The following PHTF2 variants were observed in gnomAD, a reference collection of about 807,000 sequenced individuals.
PHTF2 encodes protein PHTF2.
In PHTF2, 60 loss-of-function variants were observed where a neutral mutation model predicts 101.2. That is an observed-to-expected ratio of 0.59 (90% CI 0.48 to 0.73). PHTF2 has a LOEUF of 0.73. Among genes scored for constraint, PHTF2 ranks in the 30% least tolerant of loss-of-function variants. The pLI is 0.00. For missense variants in PHTF2, 747 were observed against 908.7 expected (o/e 0.82, Z 2.29); for synonymous variants, 311 against 307.3 (o/e 1.01, Z -0.13).
chr7:77,799,919 T>G (rs1389158903), intron 1 of PHTF2, among the ~76,000 whole-genome samples: 1 of 152,240 alleles, frequency 6.6e-6, no homozygotes, highest in Non-Finnish European at 1.5e-5. Flanking sequence ...TATATCCTCC[T>G]TGCTTTGAGA....
At chr7:77,905,906 G>A (rs113129482) in intron 7 of PHTF2, among the ~76,000 whole-genome samples, 141 of 152,318 alleles carry the variant, frequency 9.3e-4, no homozygotes, top group Non-Finnish European at 1.6e-3. Context: ...TAGCAGCACT[G>A]TCTAGTTCGT....
intron 2 of PHTF2, among the ~76,000 whole-genome samples, chr7:77,842,555 C>CA (rs149448445): frequency 3.4e-3 from 513 of 149,952 alleles, no homozygotes; most frequent in Admixed American, 9.6e-3. Context: ...AGGATTATTG[C>CA]AAAAAAAAAG....
intron 12 of PHTF2, among the ~76,000 whole-genome samples, chr7:77,932,586 AAGAGAGAGAGAGAGAAAG>A (rs149783850): frequency 0.016 from 2,161 of 132,394 alleles, 31 homozygotes; most frequent in Middle Eastern, 0.037. Flanking sequence ...GAGAAAGAGG[AAGAGAGAGAGAGAGAAAG>A]AGAGAGAGAG....
chr7:77,895,494 G>A (rs1463179409), intron 5 of PHTF2, among the ~76,000 whole-genome samples: 1 of 152,112 alleles, frequency 6.6e-6, no homozygotes, highest in Admixed American at 6.6e-5. Context: ...CTCTTTGACA[G>A]TTAGAAAGCC....
At chr7:77,935,682 G>T (rs889186444) in intron 12 of PHTF2, among the ~76,000 whole-genome samples, 1 of 152,162 alleles carries the variant, frequency 6.6e-6, no homozygotes, top group Non-Finnish European at 1.5e-5. Flanking sequence ...AGAATGTCCT[G>T]ATTTCCTATT....
chr7:77,949,179 G>A (rs1173910482), intron 16 of PHTF2, among the ~76,000 whole-genome samples: 1 of 151,506 alleles, frequency 6.6e-6, no homozygotes, highest in Non-Finnish European at 1.5e-5. Flanking sequence ...AACATTCAGT[G>A]GAATAAAAAG....
chr7:77,807,168 C>T (rs55714086), intron 1 of PHTF2, among the ~76,000 whole-genome samples: 57,817 of 151,996 alleles, frequency 0.38, 11,399 homozygotes, highest in South Asian at 0.49. Flanking sequence ...ACCTCTTGCA[C>T]ATTGTGAATA....
intron 3 of PHTF2, among the ~76,000 whole-genome samples, chr7:77,885,642 A>C (rs2150766404): frequency 6.6e-6 from 1 of 152,082 alleles, no homozygotes; most frequent in South Asian, 2.1e-4. Context: ...ATAGGGTTTC[A>C]CCATGTTGGC....
At chr7:77,882,832 G>C (rs1799527360) in intron 3 of PHTF2, among the ~76,000 whole-genome samples, 1 of 152,110 alleles carries the variant, frequency 6.6e-6, no homozygotes, top group African/African-American at 2.4e-5. Flanking sequence ...TATCATCATA[G>C]TTTATATTGT....
chr7:77,844,294 A>G (rs184041574), intron 2 of PHTF2, among the ~76,000 whole-genome samples: 25 of 152,070 alleles, frequency 1.6e-4, no homozygotes, highest in East Asian at 5.9e-4. Flanking sequence ...GTGCCCAACC[A>G]TAACTCACTT....
intron 1 of PHTF2, among the ~76,000 whole-genome samples, chr7:77,835,911 G>A (rs574683354): frequency 2.3e-4 from 35 of 152,046 alleles, no homozygotes; most frequent in Admixed American, 6.6e-4. Flanking sequence ...CCTGAGGTCC[G>A]GAGTTTGAGA....
intron 1 of PHTF2, among the ~76,000 whole-genome samples, chr7:77,827,640 C>A (rs1794781548): frequency 1.3e-5 from 2 of 152,214 alleles, no homozygotes; most frequent in Non-Finnish European, 2.9e-5. Context: ...GTGTGAGCCA[C>A]TGCGTGCAGC....
At chr7:77,935,783 A>C (rs991682250) in intron 12 of PHTF2, among the ~76,000 whole-genome samples, 2 of 152,178 alleles carry the variant, frequency 1.3e-5, no homozygotes, top group African/African-American at 4.8e-5. Context: ...TGAGAGTTTA[A>C]AAATGTCTGT....
At chr7:77,890,517 A>T (rs191119575) in intron 3 of PHTF2, among the ~76,000 whole-genome samples, 7 of 152,036 alleles carry the variant, frequency 4.6e-5, no homozygotes, top group Admixed American at 3.3e-4. Flanking sequence ...CAAAATAGTT[A>T]TTAAAACATA....
chr7:77,914,368 A>G (rs1343746832), intron 9 of PHTF2, among the ~76,000 whole-genome samples: 4 of 152,210 alleles, frequency 2.6e-5, no homozygotes, highest in African/African-American at 7.2e-5. Context: ...GTTCTCAGAA[A>G]TCTGATAAGG....
chr7:77,837,472 C>T (rs1194594328), intron 1 of PHTF2, among the ~76,000 whole-genome samples: 1 of 152,136 alleles, frequency 6.6e-6, no homozygotes, highest in Non-Finnish European at 1.5e-5. Context: ...TGCTGTAAAA[C>T]CTGTTTTAAA....
Position 77,940,311 on chromosome 7 carries a change from A to G in PHTF2, c.1740+9A>G, listed in dbSNP as rs757800599. 5.1e-6 allele frequency: 8 copies of G among 1,577,066 alleles called. No homozygotes were observed. In the Admixed American group the frequency reaches 5.7e-5, roughly 11 times the overall value. On this transcript the variant is annotated intron_variant, in intron 14 of 19. Coordinates refer to ENST00000416283, the Ensembl canonical transcript of PHTF2. ...AAAGAACTTATAAACAGGTGGGTATAATGTAGACTTCCGAATAAGAATATT... is the reference window on the plus strand; with the variant it reads ...AAAGAACTTATAAACAGGTGGGTATGATGTAGACTTCCGAATAAGAATATT...
At chr7:77,840,984 T>C (rs1422608824) in intron 2 of PHTF2, among the ~76,000 whole-genome samples, 1 of 152,016 alleles carries the variant, frequency 6.6e-6, no homozygotes, top group East Asian at 1.9e-4. Context: ...TGTTCACATT[T>C]TAAAACATTT....
intron 1 of PHTF2, among the ~76,000 whole-genome samples, chr7:77,811,416 A>G (rs1039577508): frequency 6.6e-6 from 1 of 152,250 alleles, no homozygotes; most frequent in Non-Finnish European, 1.5e-5. Flanking sequence ...CTTTTAAATT[A>G]TGTTAGTATC....
Sources: gnomAD v4.1 joint callset for allele counts (sites outside exome capture counted in the v4.1 genomes callset) on GRCh38, gnomAD v4.1.1 for gene constraint, MANE v1.5 for transcripts, NCBI Gene and HGNC (gene_info 2026-07-23, HGNC 2026-07-21) for gene names.